CADPS2: variants seen among roughly 807,000 people sequenced by gnomAD.
CADPS2 encodes the protein calcium-dependent secretion activator 2.
In CADPS2, 93 loss-of-function variants were observed where a neutral mutation model predicts 172.5. That is an observed-to-expected ratio of 0.54 (90% CI 0.46 to 0.64). The LOEUF is 0.64. Among genes scored for constraint, CADPS2 ranks in the 30% least tolerant of loss-of-function variants. The probability of loss-of-function intolerance (pLI) is 0.00; values close to 1 mark genes in which losing one functional copy is unlikely to be tolerated. For synonymous variants in CADPS2, 546 were observed against 555.2 expected, an observed-to-expected ratio of 0.98 and a Z score of 0.23; for missense variants, 1,420 against 1,565.9, an observed-to-expected ratio of 0.91 and a Z score of 1.57.
chr7:122,696,475 G>C (rs889018499), intron 2 of CADPS2, among the ~76,000 whole-genome samples: 9 of 152,130 alleles, frequency 5.9e-5, no homozygotes, highest in African/African-American at 1.7e-4. Flanking sequence ...CCTTAGATTA[G>C]TGTCTCTCCT....
chr7:122,687,589 T>C (rs2083799788), intron 2 of CADPS2, among the ~76,000 whole-genome samples: 1 of 152,170 alleles, frequency 6.6e-6, no homozygotes, highest in African/African-American at 2.4e-5. Context: ...TCTCATAGCA[T>C]TACTGTTAAG....
At chr7:122,677,040 A>AC (rs1484575131) in intron 2 of CADPS2, among the ~76,000 whole-genome samples, 1 of 151,824 alleles carries the variant, frequency 6.6e-6, no homozygotes, top group African/African-American at 2.4e-5. Context: ...GTACATTCCC[A>AC]CCCCCATAGC....
intron 29 of CADPS2, among the ~76,000 whole-genome samples, chr7:122,322,696 C>A (rs189010683): frequency 6.6e-6 from 1 of 152,314 alleles, no homozygotes; most frequent in African/African-American, 2.4e-5. Context: ...AAAAACTTTG[C>A]AAATAATTTC....
intron 15 of CADPS2, among the ~76,000 whole-genome samples, chr7:122,443,807 C>T (rs1225578813): frequency 1.4e-5 from 2 of 146,006 alleles, no homozygotes; most frequent in Non-Finnish European, 3.0e-5. Flanking sequence ...AATATTTTTA[C>T]TTCTTGACTT....
rs1419390022 is a variant in CADPS2 at position 122,818,991 on chromosome 7, A to C, written c.339+67008T>G. Among the ~76,000 whole-genome samples the C allele has an allele frequency of 7.2e-5, 11 of 152,178 alleles. 1 individual carries two copies. Among genetic ancestry groups the C allele is most frequent in the Admixed American group, 7.2e-4 (11 of 15,288 alleles). The stretch of plus-strand genomic sequence containing the variant: ...CCCGACATTAAATAAAACTCCAAAA[A>C]TTAAATTCCAGCCCTCAAACCCCAC... On this transcript the variant is annotated intron_variant, in intron 1 of 29. Transcript: ENST00000449022.
chr7:122,381,643 G>A (rs1347283351), intron 24 of CADPS2, among the ~76,000 whole-genome samples: 1 of 152,080 alleles, frequency 6.6e-6, no homozygotes, highest in Non-Finnish European at 1.5e-5. Flanking sequence ...AGCAGTGAAA[G>A]TCAGTGGACA....
intron 1 of CADPS2, among the ~76,000 whole-genome samples, chr7:122,739,879 C>A (rs924447887): frequency 6.6e-6 from 1 of 152,048 alleles, no homozygotes; most frequent in African/African-American, 2.4e-5. Context: ...ATCGAAGAAA[C>A]AGACCGAAAT....
In CADPS2 at chr7:122,879,748, A is replaced by G. The variant is rs138901276; in HGVS notation, c.339+6251T>C. On this transcript the variant is annotated intron_variant, in intron 1 of 29. Coordinates refer to ENST00000449022, the MANE Select transcript of CADPS2 (RefSeq NM_017954.11). ...TCCATCACTAACTTGAAGGTATAAA[A>G]TGAAAGTACTGAAACCACAACATCT... is the stretch of plus-strand genomic sequence containing the variant. 2.5e-3 allele frequency among the ~76,000 whole-genome samples: 379 copies of G among 152,252 alleles called. 2 individuals carry two copies. The highest frequency in any genetic ancestry group is 8.3e-3 in the African/African-American group (344 of 41,542).
chr7:122,475,481 TA>T (rs1006535507), intron 12 of CADPS2, among the ~76,000 whole-genome samples: 2 of 152,224 alleles, frequency 1.3e-5, no homozygotes, highest in Non-Finnish European at 2.9e-5. Context: ...AAGCTAAGTG[TA>T]GTTTGTAAAA....
At chr7:122,822,916 C>G (rs1036953394) in intron 1 of CADPS2, among the ~76,000 whole-genome samples, 10 of 152,088 alleles carry the variant, frequency 6.6e-5, no homozygotes, top group African/African-American at 2.2e-4. Context: ...TTCGGACTCA[C>G]CCCGCCTGCA....
At chr7:122,683,699 G>T (rs1241868671) in intron 2 of CADPS2, among the ~76,000 whole-genome samples, 1 of 151,596 alleles carries the variant, frequency 6.6e-6, no homozygotes, top group Non-Finnish European at 1.5e-5. Flanking sequence ...AGCAAGTACA[G>T]AAGGGCGGTC....
intron 8 of CADPS2, among the ~76,000 whole-genome samples, chr7:122,520,871 G>A (rs531991767): frequency 4.6e-5 from 7 of 152,096 alleles, no homozygotes. Context: ...ACTTTATGAT[G>A]AAAAATCATC....
chr7:122,635,277 T>A (rs2076958378), intron 3 of CADPS2, among the ~76,000 whole-genome samples: 1 of 152,078 alleles, frequency 6.6e-6, no homozygotes, highest in South Asian at 2.1e-4. Context: ...GCTAATTTTT[T>A]TTTTTAATTA....
At chr7:122,489,355 C>T (rs1236152729) in intron 11 of CADPS2, among the ~76,000 whole-genome samples, 1 of 151,966 alleles carries the variant, frequency 6.6e-6, no homozygotes, top group Non-Finnish European at 1.5e-5. Flanking sequence ...GAATAAAAAG[C>T]CACAAGTTGA....
intron 25 of CADPS2, among the ~76,000 whole-genome samples, chr7:122,374,527 A>AT (rs1460386661): frequency 2.0e-5 from 3 of 152,218 alleles, no homozygotes; most frequent in African/African-American, 7.2e-5. Context: ...CATGATCTTA[A>AT]TATGTAGAAA....
intron 5 of CADPS2, among the ~76,000 whole-genome samples, chr7:122,617,930 C>T (rs1227126505): frequency 6.6e-6 from 1 of 151,954 alleles, no homozygotes; most frequent in African/African-American, 2.4e-5. Context: ...GTAGTCCCAG[C>T]TACTAGGGAG....
intron 9 of CADPS2, among the ~76,000 whole-genome samples, chr7:122,503,643 G>A (rs1300079832): frequency 6.6e-6 from 1 of 152,136 alleles, no homozygotes; most frequent in Non-Finnish European, 1.5e-5. Flanking sequence ...GTAAGTTACT[G>A]AATTTAGTTT....
Position 122,723,069 on chromosome 7 carries a change from TA to T in CADPS2, c.453+13885del, listed in dbSNP as rs535368316. On this transcript the variant is annotated intron_variant, in intron 2 of 29. Transcript: ENST00000449022. ...GACTTAAATGTTAGACTTAAAACCA[TA>T]AAAACCCTAGAAGAAAACCTAGGCA... Among the ~76,000 whole-genome samples the T allele has an allele frequency of 2.6e-4, 39 of 152,154 alleles. No homozygotes were observed. In the South Asian group the frequency reaches 7.9e-3, roughly 31 times the overall value.
At chr7:122,406,454 G>A (rs757470046) in intron 20 of CADPS2, among the ~76,000 whole-genome samples, 39 of 152,318 alleles carry the variant, frequency 2.6e-4, no homozygotes, top group Non-Finnish European at 4.3e-4. Context: ...AGTCAGAGCA[G>A]ACTTGGGCTG....
Sources: gnomAD v4.1 joint callset for allele counts (sites outside exome capture counted in the v4.1 genomes callset) on GRCh38, gnomAD v4.1.1 for gene constraint, MANE v1.5 for transcripts, NCBI Gene and HGNC (gene_info 2026-07-23, HGNC 2026-07-21) for gene names.